SACS: variants seen among roughly 807,000 people sequenced by gnomAD.
SACS encodes sacsin.
In SACS, 197 loss-of-function variants were observed where a neutral mutation model predicts 348.0. The ratio of observed to expected loss-of-function variants is 0.57; its 90% CI spans 0.50 to 0.64. SACS has a LOEUF of 0.64. Ranked by LOEUF, SACS falls within the 30% of genes least tolerant of loss-of-function variation. The pLI, the probability that SACS is intolerant of heterozygous loss-of-function variation, is 0.00. For missense variants in SACS, 4,999 were observed against 5,360.8 expected (o/e 0.93, Z 2.11); for synonymous variants, 1,985 against 1,910.6 (o/e 1.04, Z -1.02).
In SACS at chr13:23,333,496, TTTTAAG is replaced by T; in HGVS notation, c.10374_10379del (p.His3458_Lys3460delinsGln). On this transcript the variant is annotated inframe_deletion, in exon 10 of 10. Transcript: ENST00000382292. ...CACAACCAATCACCTCATATAGTTC[TTTTAAG>T]TGTATTTTTTCTTCAAGAAATGCAG... 1 of 1,613,394 alleles carries T rather than the reference TTTTAAG, an allele frequency of 6.2e-7. No homozygotes were observed. Among genetic ancestry groups the T allele is most frequent in the Non-Finnish European group, 8.5e-7 (1 of 1,179,556 alleles).
In SACS at chr13:23,334,858, C is replaced by A. The variant is rs201012666; in HGVS notation, c.9018G>T (p.Leu3006Phe). ...TCCAAGTAATTATAACTGCAGAGTGCAAGTCAGAGCCATCAATATTTGGAG... is the reference window on the plus strand; with the variant it reads ...TCCAAGTAATTATAACTGCAGAGTGAAAGTCAGAGCCATCAATATTTGGAG... ...VRAPNIDGSD[L>F]HSAVIITWIN... The change falls in exon 10 of 10, where the codon TTG becomes TTT. Residue 3006 changes from leucine (L) to phenylalanine (F), a missense_variant. This residue lies in a region of SACS where 734 missense variants were observed against 694.0 expected (regional missense o/e 1.06). Coordinates refer to ENST00000382292, the MANE Select transcript of SACS (RefSeq NM_014363.6). The A allele has an allele frequency of 1.2e-6, 2 of 1,613,802 alleles. No individual in the cohort carries two copies. Among genetic ancestry groups the A allele is most frequent in the African/African-American group, 1.3e-5 (1 of 75,022 alleles).
intron 2 of SACS, among the ~76,000 whole-genome samples, chr13:23,379,538 C>A (rs539191696): frequency 6.6e-6 from 1 of 152,138 alleles, no homozygotes; most frequent in Non-Finnish European, 1.5e-5. Context: ...GATTCTTGAG[C>A]GCCTCAAATC....
At chr13:23,377,167 G>T (rs1007758494) in intron 2 of SACS, among the ~76,000 whole-genome samples, 1 of 152,170 alleles carries the variant, frequency 6.6e-6, no homozygotes, top group Non-Finnish European at 1.5e-5. Context: ...ATGGGTGTGG[G>T]GTTTCTTTGG....
intron 2 of SACS, among the ~76,000 whole-genome samples, chr13:23,406,173 A>G (rs1873197964): frequency 6.6e-6 from 1 of 152,236 alleles, no homozygotes; most frequent in Admixed American, 6.5e-5. Context: ...AATATGGCAC[A>G]TACACACAAT....
At chr13:23,421,969 ATCCATCTGGGGCCTGGTT>A (rs1403886087) in intron 1 of SACS, among the ~76,000 whole-genome samples, 2 of 151,898 alleles carry the variant, frequency 1.3e-5, no homozygotes, top group African/African-American at 4.8e-5. Context: ...GATGCCTGAT[ATCCATCTGGGGCCTGGTT>A]TCCACCTGGG....
At chr13:23,370,094 G>A (rs1234219885) in intron 4 of SACS, among the ~76,000 whole-genome samples, 3 of 152,046 alleles carry the variant, frequency 2.0e-5, no homozygotes, top group Non-Finnish European at 2.9e-5. Context: ...TCCTGACCTC[G>A]TGATTCGCCT....
At chr13:23,352,615 A>C (rs73442913) in intron 9 of SACS, among the ~76,000 whole-genome samples, 4,918 of 152,220 alleles carry the variant, frequency 0.032, 252 homozygotes, top group African/African-American at 0.11. Context: ...TTCAACACAA[A>C]ATTTTAACAA....
At chr13:23,418,512 C>G (rs1873776141) in intron 1 of SACS, among the ~76,000 whole-genome samples, 1 of 151,788 alleles carries the variant, frequency 6.6e-6, no homozygotes. Context: ...GCACCCATTT[C>G]TTTTTTTTAC....
Position 23,338,354 on chromosome 13 carries a change from A to G in SACS, c.5522T>C (p.Leu1841Pro), listed in dbSNP as rs371618619. ...KFSLSESGRR[L>P]GLVPCGAVGV... ...TACTGCCCCACATGGAACCAGTCCTAGTCTTCTTCCACTCTCACTCAGGGA... is the reference window on the plus strand; with the variant it reads ...TACTGCCCCACATGGAACCAGTCCTGGTCTTCTTCCACTCTCACTCAGGGA... The change falls in exon 10 of 10, where the codon CTA (leucine) becomes CCA (proline). Residue 1841 changes from leucine to proline, a missense_variant. Coordinates refer to ENST00000382292, the MANE Select transcript of SACS (RefSeq NM_014363.6). 2 of 1,614,110 alleles carry G rather than the reference A, an allele frequency of 1.2e-6. No individual in the cohort carries two copies. The highest frequency in any genetic ancestry group is 1.3e-5 in the African/African-American group (1 of 75,036).
In SACS at chr13:23,333,985, T is replaced by C. The variant is rs528073122; in HGVS notation, c.9891A>G (p.Glu3297=). Residue 3297 remains glutamate, a synonymous_variant, in exon 10 of 10, where the codon GAA becomes GAG. Transcript: ENST00000382292. ...GGCTGAGAGGAAGCAGAACATCTCC[T>C]TCAGGAACCACAAGCTGGTTGGCTG... The part of the protein sequence containing the change: ...TVSANQLVVP[E]GDVLLPLSLM... 6 of 1,613,900 alleles carry C rather than the reference T, an allele frequency of 3.7e-6. No homozygotes were observed. Among genetic ancestry groups the C allele is most frequent in the African/African-American group, 1.3e-5 (1 of 75,026 alleles).
At chr13:23,351,377 T>C (rs1869944543) in intron 9 of SACS, among the ~76,000 whole-genome samples, 1 of 152,118 alleles carries the variant, frequency 6.6e-6, no homozygotes, top group South Asian at 2.1e-4. Flanking sequence ...ATAATTCCCA[T>C]GTGTTGTGGG....
At position 23,331,714 on chromosome 13, in the gene SACS, T is replaced by C. The variant is rs1593121184; in HGVS notation, c.12162A>G (p.Gln4054=). Residue 4054 remains glutamine, a synonymous_variant, in exon 10 of 10, where the codon CAA becomes CAG. Coordinates refer to ENST00000382292, the MANE Select transcript of SACS (RefSeq NM_014363.6). Reference sequence around the variant, plus strand: ...TAAAACCTTTAACTCTTAATGTTGTTTGAAGCTTTTCAAAGCAGGATACTT... The same window carrying C: ...TAAAACCTTTAACTCTTAATGTTGTCTGAAGCTTTTCAAAGCAGGATACTT... ...GLKVSCFEKL[Q]TTLRVKGFNP... is the part of the protein sequence containing the mutation. 5 of 1,613,986 alleles carry C rather than the reference T, an allele frequency of 3.1e-6. No individual in the cohort carries two copies. In the South Asian group the frequency reaches 5.5e-5, roughly 18 times the overall value.
Position 23,331,007 on chromosome 13 carries a change from G to A in SACS, c.12869C>T (p.Ser4290Phe). The change falls in exon 10 of 10, where the codon TCC (serine) becomes TTC (phenylalanine). Residue 4290 changes from serine to phenylalanine, a missense_variant. Physicochemically the swap from Ser to Phe is radical, Grantham distance 155. Around this residue, in one of 6 missense-constraint regions of SACS, gnomAD observed 831 missense variants for 941.8 expected, o/e 0.88. Coordinates refer to ENST00000382292, the MANE Select transcript of SACS (RefSeq NM_014363.6). ...AAGCTTTTTGGGGGACTGATGTTTG[G>A]AAGAAGTCTTGTGGCTCTCTCTACC... Reference protein sequence around the residue: ...FSGRESHKTSSKHQSPKKLKV... With the variant: ...FSGRESHKTSFKHQSPKKLKV... The A allele has an allele frequency of 6.2e-7, 1 of 1,614,088 alleles. No individual in the cohort carries two copies. The highest frequency in any genetic ancestry group is 8.5e-7 in the Non-Finnish European group (1 of 1,179,994).
At position 23,364,480 on chromosome 13, in the gene SACS, C is replaced by T. The variant is rs570140734; in HGVS notation, c.457+686G>A. On this transcript the variant is annotated intron_variant, in intron 6 of 9. Coordinates refer to ENST00000382292, the MANE Select transcript of SACS (RefSeq NM_014363.6). ...ATTTTTAGTAGAGACGGGGTTTTGC[C>T]ACGTTCGCCAGGCTGGTCCCAAACT... Among the ~76,000 whole-genome samples, 3 of 152,232 alleles carry T rather than the reference C, an allele frequency of 2.0e-5. No homozygotes were observed. The South Asian group carries it at 6.2e-4, about 32-fold the overall frequency.
chr13:23,409,254 A>C (rs1443021356), intron 2 of SACS, among the ~76,000 whole-genome samples: 2 of 148,212 alleles, frequency 1.3e-5, no homozygotes, highest in African/African-American at 5.0e-5. Context: ...ACAAGGTTTC[A>C]CTGTGTTAGC....
At position 23,353,814 on chromosome 13, in the gene SACS, G is replaced by A. The variant is rs867786904; in HGVS notation, c.2156C>T (p.Ala719Val). Residue 719 changes from alanine (A) to valine (V), a missense_variant, in exon 9 of 10, where the codon GCT (alanine) becomes GTT (valine). Transcript: ENST00000382292. ...ILDNLKPHLV[A>V]ALKEAAQTRG... ...GGTTTGGGCAGCTTCCTTTAAAGCA[G>A]CCACAAGGTGAGGTTTCAAGTTATC... 2.5e-6 allele frequency: 4 copies of A among 1,609,432 alleles called. No individual in the cohort carries two copies. The Admixed American group carries it at 6.7e-5, about 27-fold the overall frequency.
intron 1 of SACS, among the ~76,000 whole-genome samples, chr13:23,416,815 G>A (rs1183538510): frequency 6.6e-6 from 1 of 151,470 alleles, no homozygotes; most frequent in Non-Finnish European, 1.5e-5. Flanking sequence ...CAAATCTCAT[G>A]CTTAGCAGTG....
At chr13:23,409,649 T>G (rs1225091125) in intron 2 of SACS, among the ~76,000 whole-genome samples, 1 of 152,116 alleles carries the variant, frequency 6.6e-6, no homozygotes, top group Non-Finnish European at 1.5e-5. Flanking sequence ...TAAACCAGCC[T>G]GGTTTGATAA....
chr13:23,370,982 A>G (rs1871350992), intron 4 of SACS, 96 bp downstream of exon 4: 1 of 722,292 alleles, frequency 1.4e-6, no homozygotes, highest in Non-Finnish European at 2.4e-6. Context: ...ATAGGGCGAG[A>G]CTCAGTTTCA....
Sources: gnomAD v4.1 joint callset for allele counts (sites outside exome capture counted in the v4.1 genomes callset) on GRCh38, gnomAD v4.1.1 for gene constraint, gnomAD v4.1.1 regional missense constraint, MANE v1.5 for transcripts, NCBI Gene and HGNC (gene_info 2026-07-23, HGNC 2026-07-21) for gene names.